The following GUCY1A2 variants were observed in gnomAD, a reference collection of about 807,000 sequenced individuals.
GUCY1A2 encodes the protein guanylate cyclase soluble subunit alpha-2.
GUCY1A2 carries 27 observed loss-of-function variants against 63.5 expected under a neutral mutation model. The observed-to-expected ratio is 0.43, with a 90% CI of 0.31 to 0.59. The LOEUF is 0.59. Ranked by LOEUF, GUCY1A2 falls within the 20% of genes least tolerant of loss-of-function variation. The probability of loss-of-function intolerance (pLI) is 0.11; values close to 1 mark genes in which losing one functional copy is unlikely to be tolerated. For missense variants in GUCY1A2, 768 were observed against 913.3 expected (o/e 0.84, Z 2.05); for synonymous variants, 364 against 343.5 (o/e 1.06, Z -0.66).
intron 4 of GUCY1A2, among the ~76,000 whole-genome samples, chr11:106,841,677 C>T (rs1408742501): frequency 2.0e-5 from 3 of 151,878 alleles, no homozygotes; most frequent in Non-Finnish European, 2.9e-5. Context: ...TAACAACGTT[C>T]TCTTATCTAA....
intron 4 of GUCY1A2, among the ~76,000 whole-genome samples, chr11:106,869,038 G>GA (rs1380450773): frequency 6.6e-6 from 1 of 152,156 alleles, no homozygotes; most frequent in African/African-American, 2.4e-5. Context: ...ACGGTGCTGG[G>GA]AAAACTGGCT....
chr11:106,685,310 C>G lies in GUCY1A2; in HGVS notation c.*2239G>C. 1 of 207,970 alleles carries G rather than the reference C, an allele frequency of 4.8e-6. No individual in the cohort carries two copies. Among genetic ancestry groups the G allele is most frequent in the Non-Finnish European group, 9.8e-6 (1 of 102,118 alleles). 12.9% of individuals were successfully genotyped at this position (207,970 alleles called of 1,614,324 possible). A position where few individuals can be genotyped will look rare whatever the true frequency, so the allele number is the denominator to read the frequency against. On this transcript the variant is annotated 3_prime_UTR_variant, in exon 8 of 8. Coordinates refer to ENST00000526355, the MANE Select transcript of GUCY1A2 (RefSeq NM_000855.3). The stretch of plus-strand genomic sequence containing the variant: ...TGAGATATATAAATACAATACTTCT[C>G]TCCAGGCCTATCACTAGTATTGAGG...
intron 3 of GUCY1A2, among the ~76,000 whole-genome samples, chr11:106,953,171 T>G (rs1860934620): frequency 6.6e-6 from 1 of 152,208 alleles, no homozygotes; most frequent in African/African-American, 2.4e-5. Context: ...GGGTTTGTCA[T>G]AAATAGCTCT....
Position 106,850,470 on chromosome 11 carries a change from T to G in GUCY1A2, c.1207-39992A>C, listed in dbSNP as rs113514290. On this transcript the variant is annotated intron_variant, in intron 4 of 7. Coordinates refer to ENST00000526355, the MANE Select transcript of GUCY1A2 (RefSeq NM_000855.3). ...ATTCCACCTATCTAGCTGTAATTTT[T>G]GTATCTGTTAACTAACCTCGTCCCA... Among the ~76,000 whole-genome samples the G allele has an allele frequency of 3.3e-5, 5 of 151,904 alleles. 1 individual carries two copies. The highest frequency in any genetic ancestry group is 1.2e-4 in the African/African-American group (5 of 41,558).
At chr11:106,758,192 A>G (rs980076996) in intron 6 of GUCY1A2, among the ~76,000 whole-genome samples, 1 of 152,084 alleles carries the variant, frequency 6.6e-6, no homozygotes. Context: ...GCCCCTCCCC[A>G]CACCAAGCTC....
intron 4 of GUCY1A2, among the ~76,000 whole-genome samples, chr11:106,837,496 T>C (rs1484693341): frequency 6.6e-6 from 1 of 151,996 alleles, no homozygotes; most frequent in Non-Finnish European, 1.5e-5. Flanking sequence ...TTATATTCCT[T>C]TGGGTATATA....
chr11:106,894,002 C>A (rs904728927), intron 4 of GUCY1A2, among the ~76,000 whole-genome samples: 1 of 152,138 alleles, frequency 6.6e-6, no homozygotes, highest in Non-Finnish European at 1.5e-5. Flanking sequence ...TAGAAATACA[C>A]CAGATCATTT....
At chr11:107,004,369 A>G (rs1299352209) in intron 1 of GUCY1A2, among the ~76,000 whole-genome samples, 2 of 152,220 alleles carry the variant, frequency 1.3e-5, no homozygotes, top group East Asian at 3.8e-4. Context: ...AGTGATACAT[A>G]TTATAAAAGC....
chr11:106,710,972 A>AAGAT (rs1313687517), intron 6 of GUCY1A2, among the ~76,000 whole-genome samples: 8 of 152,132 alleles, frequency 5.3e-5, no homozygotes, highest in Non-Finnish European at 8.8e-5. Flanking sequence ...AACTCATAAA[A>AAGAT]AGATAGGTTG....
chr11:106,789,628 T>G (rs111788502), intron 5 of GUCY1A2, among the ~76,000 whole-genome samples: 6,535 of 152,262 alleles, frequency 0.043, 140 homozygotes, highest in East Asian at 0.054. Flanking sequence ...CTTGTCCTTC[T>G]TGGGAAGGCT....
chr11:106,700,331 A>C (rs949366204), intron 7 of GUCY1A2, among the ~76,000 whole-genome samples: 2 of 152,100 alleles, frequency 1.3e-5, no homozygotes, highest in African/African-American at 2.4e-5. Flanking sequence ...CCCTACCCCC[A>C]AAAAAGACAG....
intron 2 of GUCY1A2, among the ~76,000 whole-genome samples, chr11:106,983,666 CTG>C (rs2120133481): frequency 6.6e-6 from 1 of 152,318 alleles, no homozygotes; most frequent in Admixed American, 6.5e-5. Context: ...AGCTCATACT[CTG>C]TTACCTGTTC....
chr11:106,871,402 A>C (rs1300508050), intron 4 of GUCY1A2, among the ~76,000 whole-genome samples: 1 of 152,134 alleles, frequency 6.6e-6, no homozygotes, highest in African/African-American at 2.4e-5. Context: ...AGGTGTTGAC[A>C]GGGTGATGCT....
chr11:106,754,083 T>G (rs982318214), intron 6 of GUCY1A2, among the ~76,000 whole-genome samples: 10 of 151,784 alleles, frequency 6.6e-5, no homozygotes, highest in African/African-American at 2.4e-4. Context: ...CCCTTGAAAG[T>G]TGGATTCCCA....
chr11:106,746,471 A>C, intron 6 of GUCY1A2: 1 of 706,764 alleles, frequency 1.4e-6, no homozygotes, highest in East Asian at 2.7e-5. Flanking sequence ...AATAAGGATT[A>C]TACTCAAGGA....
At chr11:106,742,311 G>A (rs761291438) in intron 6 of GUCY1A2, among the ~76,000 whole-genome samples, 3 of 152,136 alleles carry the variant, frequency 2.0e-5, no homozygotes, top group Non-Finnish European at 4.4e-5. Flanking sequence ...GTATCTATTA[G>A]CTATTCTTCC....
intron 6 of GUCY1A2, among the ~76,000 whole-genome samples, chr11:106,769,314 G>T (rs11211905): frequency 0.33 from 50,011 of 151,808 alleles, 8,406 homozygotes; most frequent in East Asian, 0.48. Flanking sequence ...GAAAAATTTT[G>T]TCAGACAAAT....
chr11:106,924,445 C>G (rs1030988191), intron 4 of GUCY1A2, among the ~76,000 whole-genome samples: 3 of 152,160 alleles, frequency 2.0e-5, no homozygotes, highest in Non-Finnish European at 4.4e-5. Flanking sequence ...GATATTCTTT[C>G]AGAAGAATAC....
At chr11:106,972,243 T>C (rs770626454) in intron 3 of GUCY1A2, among the ~76,000 whole-genome samples, 10 of 152,148 alleles carry the variant, frequency 6.6e-5, no homozygotes, top group Non-Finnish European at 1.5e-4. Flanking sequence ...TTTTATAAAT[T>C]GGGACCAAAG....
Sources: gnomAD v4.1 joint callset for allele counts (sites outside exome capture counted in the v4.1 genomes callset) on GRCh38, gnomAD v4.1.1 for gene constraint, MANE v1.5 for transcripts, NCBI Gene and HGNC (gene_info 2026-07-23, HGNC 2026-07-21) for gene names.